Variants in BMPER observed in about 807,000 individuals in gnomAD.
BMPER encodes BMP binding endothelial regulator.
BMPER carries 45 observed loss-of-function variants against 87.3 expected under a neutral mutation model. The observed-to-expected ratio is 0.52, with a 90% CI of 0.41 to 0.66. The LOEUF (loss-of-function observed/expected upper bound fraction) is 0.66. Among genes scored for constraint, BMPER ranks in the 30% least tolerant of loss-of-function variants. BMPER has a pLI of 0.00. For synonymous variants in BMPER, 326 were observed against 316.2 expected, an observed-to-expected ratio of 1.03 and a Z score of -0.33; for missense variants, 784 against 867.5, an observed-to-expected ratio of 0.90 and a Z score of 1.21.
chr7:33,983,386 T>C (rs1785914011), intron 6 of BMPER, among the ~76,000 whole-genome samples: 1 of 152,196 alleles, frequency 6.6e-6, no homozygotes, highest in Non-Finnish European at 1.5e-5. Flanking sequence ...AAAGAAAGTT[T>C]TTCTTTGACA....
At chr7:34,039,475 A>G (rs1787773202) in intron 6 of BMPER, among the ~76,000 whole-genome samples, 1 of 152,138 alleles carries the variant, frequency 6.6e-6, no homozygotes, top group African/African-American at 2.4e-5. Context: ...TCTAGCAGGT[A>G]GAGGCCAGGG....
chr7:34,085,139 T>TTA (rs1789165702), intron 12 of BMPER, among the ~76,000 whole-genome samples: 1 of 152,156 alleles, frequency 6.6e-6, no homozygotes, highest in Admixed American at 6.5e-5. Context: ...GAAATGTTAA[T>TTA]CAAACAGTGT....
At chr7:33,925,989 G>A (rs754995606) in intron 2 of BMPER, among the ~76,000 whole-genome samples, 3 of 152,158 alleles carry the variant, frequency 2.0e-5, no homozygotes, top group Non-Finnish European at 4.4e-5. Flanking sequence ...TTCCTGCCTC[G>A]CGTCTGAGCT....
Position 34,046,226 on chromosome 7 carries a change from G to T in BMPER, c.577-80G>T. ...ACCTAATACTATGGAAGGGCCTTAG[G>T]TTTGTTCTAGATATCTTGGTTGTAC... On this transcript the variant is annotated intron_variant, in intron 6 of 14. Transcript: ENST00000649409. 3.7e-6 allele frequency: 5 copies of T among 1,369,100 alleles called. No individual in the cohort carries two copies. The South Asian group carries it at 5.8e-5, about 16-fold the overall frequency. The allele number at this position is 1,369,100 out of a possible 1,614,324, so 84.8% of individuals were successfully genotyped here.
intron 6 of BMPER, among the ~76,000 whole-genome samples, chr7:34,031,139 T>A (rs769786851): frequency 6.6e-6 from 1 of 152,196 alleles, no homozygotes; most frequent in East Asian, 1.9e-4. Flanking sequence ...CTCAGATGGA[T>A]TGTGGTTACT....
intron 6 of BMPER, among the ~76,000 whole-genome samples, chr7:34,040,522 A>T (rs1032447669): frequency 6.6e-6 from 1 of 151,452 alleles, no homozygotes; most frequent in Admixed American, 6.6e-5. Flanking sequence ...GAAGCTGTCA[A>T]TAATTTTTTT....
intron 6 of BMPER, among the ~76,000 whole-genome samples, chr7:34,004,055 G>A (rs1046818240): frequency 1.9e-4 from 29 of 151,972 alleles, no homozygotes; most frequent in African/African-American, 5.6e-4. Context: ...ACTTAGTAGC[G>A]TTCCACACAT....
chr7:34,081,433 C>T (rs375846323), intron 12 of BMPER, among the ~76,000 whole-genome samples: 12 of 152,198 alleles, frequency 7.9e-5, no homozygotes, highest in African/African-American at 2.9e-4. Context: ...TTTGACCCTG[C>T]GGTTTATGTG....
chr7:33,946,265 C>T (rs1399056222), intron 3 of BMPER, among the ~76,000 whole-genome samples: 1 of 152,110 alleles, frequency 6.6e-6, no homozygotes, highest in Admixed American at 6.5e-5. Flanking sequence ...TTACTTCCCA[C>T]TGGGTCCCTC....
intron 12 of BMPER, among the ~76,000 whole-genome samples, chr7:34,084,507 A>C (rs1354265372): frequency 6.6e-6 from 1 of 152,156 alleles, no homozygotes; most frequent in Admixed American, 6.5e-5. Flanking sequence ...TACAAAGTTC[A>C]CCCATTCACT....
chr7:34,119,010 T>TCACACACACA (rs1177104407), intron 13 of BMPER, among the ~76,000 whole-genome samples: 35 of 33,996 alleles, frequency 1.0e-3, no homozygotes, highest in Middle Eastern at 0.013. Flanking sequence ...TCTCTCTCTC[T>TCACACACACA]CTCTCACACA....
rs960188761 is a variant in BMPER at position 34,102,924 on chromosome 7, G to A, written c.1745+16832G>A. ...CTGTTTCGCATGGTATGGTCAGGGA[G>A]GCCCTCTGGGATGAGGTGCCCTGTA... On this transcript the variant is annotated intron_variant, in intron 13 of 14. Coordinates refer to ENST00000649409, the MANE Select transcript of BMPER (RefSeq NM_001365308.1). 3.3e-5 allele frequency among the ~76,000 whole-genome samples: 5 copies of A among 152,248 alleles called. No homozygotes were observed. In the South Asian group the frequency reaches 1.0e-3, roughly 32 times the overall value.
chr7:34,094,781 C>A (rs980542720), intron 13 of BMPER, among the ~76,000 whole-genome samples: 2 of 152,144 alleles, frequency 1.3e-5, no homozygotes, highest in Non-Finnish European at 1.5e-5. Context: ...TCAGTCATTC[C>A]AGATAAGGCA....
intron 11 of BMPER, among the ~76,000 whole-genome samples, chr7:34,066,938 C>A (rs1308740866): frequency 3.3e-5 from 5 of 152,102 alleles, no homozygotes; most frequent in Non-Finnish European, 5.9e-5. Context: ...ACAAAGGCAG[C>A]CCAGACGTGC....
At chr7:33,996,673 T>C (rs1301314107) in intron 6 of BMPER, among the ~76,000 whole-genome samples, 1 of 152,236 alleles carries the variant, frequency 6.6e-6, no homozygotes, top group African/African-American at 2.4e-5. Flanking sequence ...GAGCCACATA[T>C]GCAATTTTTA....
chr7:33,942,801 T>A (rs1366274991), intron 3 of BMPER, among the ~76,000 whole-genome samples: 2 of 152,188 alleles, frequency 1.3e-5, no homozygotes, highest in African/African-American at 4.8e-5. Context: ...GTCTTCCTAT[T>A]TTGAAAATCA....
At chr7:34,079,395 A>T (rs1350506066) in intron 12 of BMPER, among the ~76,000 whole-genome samples, 1 of 152,164 alleles carries the variant, frequency 6.6e-6, no homozygotes, top group Admixed American at 6.5e-5. Flanking sequence ...AGACATTCGG[A>T]CCGTATGGAG....
At chr7:33,999,655 G>A (rs144783099) in intron 6 of BMPER, among the ~76,000 whole-genome samples, 70 of 152,328 alleles carry the variant, frequency 4.6e-4, no homozygotes, top group Non-Finnish European at 8.7e-4. Flanking sequence ...CTAGATAAGA[G>A]GGTATCCAGC....
intron 6 of BMPER, among the ~76,000 whole-genome samples, chr7:34,011,585 A>C (rs1786878889): frequency 7.8e-6 from 1 of 128,150 alleles, no homozygotes; most frequent in Non-Finnish European, 1.6e-5. Flanking sequence ...GGTCAGGGCA[A>C]AAAAAAAAAA....
Sources: gnomAD v4.1 joint callset for allele counts (sites outside exome capture counted in the v4.1 genomes callset) on GRCh38, gnomAD v4.1.1 for gene constraint, MANE v1.5 for transcripts, NCBI Gene and HGNC (gene_info 2026-07-23, HGNC 2026-07-21) for gene names.